The following UTP18 variants were observed in gnomAD, a reference collection of about 807,000 sequenced individuals.
UTP18 encodes UTP18 small subunit processome component, also known as U3 small nucleolar RNA-associated protein 18 homolog.
In UTP18, 36 loss-of-function variants were observed where a neutral mutation model predicts 61.1. The ratio of observed to expected loss-of-function variants is 0.59; its 90% CI spans 0.45 to 0.78. The LOEUF (loss-of-function observed/expected upper bound fraction) is 0.78, where lower values mean the gene tolerates loss of function less well. UTP18 is among the 30% of genes least tolerant of loss of function. The pLI, the probability that UTP18 is intolerant of heterozygous loss-of-function variation, is 0.00. For missense variants in UTP18, 753 were observed against 693.9 expected (o/e 1.09, Z -0.96); for synonymous variants, 282 against 251.1 (o/e 1.12, Z -1.16).
intron 4 of UTP18, among the ~76,000 whole-genome samples, chr17:51,272,100 GTTGT>G (rs985504140): frequency 1.2e-4 from 18 of 151,252 alleles, no homozygotes; most frequent in African/African-American, 3.6e-4. Context: ...TTTTGTTGTT[GTTGT>G]TTGTGTTTTT....
intron 9 of UTP18, among the ~76,000 whole-genome samples, chr17:51,283,617 ATT>A (rs34103760): frequency 8.7e-5 from 12 of 138,490 alleles, no homozygotes; most frequent in African/African-American, 1.9e-4. Context: ...TTACTCATGG[ATT>A]TTTTTTTTTT....
chr17:51,265,137 A>T (rs1310786989), intron 2 of UTP18, among the ~76,000 whole-genome samples: 1 of 152,102 alleles, frequency 6.6e-6, no homozygotes, highest in African/African-American at 2.4e-5. Context: ...AGAAGTTTTG[A>T]ATTTTTATAT....
intron 3 of UTP18, among the ~76,000 whole-genome samples, chr17:51,268,111 A>G (rs1460136438): frequency 2.0e-5 from 3 of 149,110 alleles, no homozygotes; most frequent in African/African-American, 5.0e-5. Context: ...CCGGGTTCAC[A>G]CCATTCTCCT....
At chr17:51,273,969 C>T (rs978820264) in intron 5 of UTP18, among the ~76,000 whole-genome samples, 6 of 152,162 alleles carry the variant, frequency 3.9e-5, no homozygotes, top group African/African-American at 1.4e-4. Flanking sequence ...AACATCAGGT[C>T]ATGTCACTTT....
chr17:51,279,224 C>T (rs1226040260), intron 7 of UTP18, among the ~76,000 whole-genome samples: 1 of 152,164 alleles, frequency 6.6e-6, no homozygotes, highest in Non-Finnish European at 1.5e-5. Context: ...GCTTTCCTTC[C>T]TTGGAGGTAG....
At chr17:51,279,293 C>T (rs1452954603) in intron 7 of UTP18, among the ~76,000 whole-genome samples, 2 of 152,092 alleles carry the variant, frequency 1.3e-5, no homozygotes, top group Non-Finnish European at 2.9e-5. Flanking sequence ...TAACTTGGCT[C>T]TCTAAGCATT....
intron 6 of UTP18, 29 bp downstream of exon 6, chr17:51,276,020 C>T: frequency 6.4e-7 from 1 of 1,573,104 alleles, no homozygotes; most frequent in South Asian, 1.2e-5. Context: ...TTATTTATTT[C>T]TAATGCATTA....
chr17:51,283,921 T>C (rs1203625609), intron 9 of UTP18, among the ~76,000 whole-genome samples: 1 of 152,246 alleles, frequency 6.6e-6, no homozygotes, highest in Non-Finnish European at 1.5e-5. Context: ...GGCCATCTCA[T>C]GTTGCCTTTT....
At chr17:51,293,802 A>G in intron 11 of UTP18, 101 bp from the exon 12 acceptor site, 1 of 1,057,026 alleles carries the variant, frequency 9.5e-7, no homozygotes, top group Non-Finnish European at 1.3e-6. Flanking sequence ...TACAATCAAA[A>G]TGAGCTTTAT....
At chr17:51,264,433 C>G (rs2055539139) in intron 2 of UTP18, among the ~76,000 whole-genome samples, 1 of 151,986 alleles carries the variant, frequency 6.6e-6, no homozygotes, top group Admixed American at 6.6e-5. Context: ...TAATTTATTG[C>G]CTTAAGAAAG....
intron 11 of UTP18, among the ~76,000 whole-genome samples, chr17:51,291,417 T>C (rs925092994): frequency 2.6e-5 from 4 of 152,052 alleles, no homozygotes; most frequent in Non-Finnish European, 5.9e-5. Context: ...CTTTTCCCGA[T>C]ATTCCAAGTC....
At chr17:51,288,452 T>C in intron 11 of UTP18, 1 of 498,860 alleles carries the variant, frequency 2.0e-6, no homozygotes, top group African/African-American at 2.0e-5. Context: ...GTGGTCCTCA[T>C]TTTCAGAGGT....
At chr17:51,265,109 C>T (rs2055546842) in intron 2 of UTP18, among the ~76,000 whole-genome samples, 1 of 152,094 alleles carries the variant, frequency 6.6e-6, no homozygotes, top group Non-Finnish European at 1.5e-5. Flanking sequence ...TGTAGGTTTT[C>T]CCCAGCTTTC....
At chr17:51,295,468 A>G (rs1905343940) in intron 12 of UTP18, among the ~76,000 whole-genome samples, 1 of 152,074 alleles carries the variant, frequency 6.6e-6, no homozygotes, top group Non-Finnish European at 1.5e-5. Context: ...TCCTTTCCCC[A>G]TTTTTTGTTT....
At chr17:51,270,265 A>G (rs1461922120) in intron 4 of UTP18, among the ~76,000 whole-genome samples, 1 of 152,170 alleles carries the variant, frequency 6.6e-6, no homozygotes, top group Non-Finnish European at 1.5e-5. Context: ...CATATAGATT[A>G]TCTTCTTTTT....
chr17:51,272,297 C>G (rs1272015306), intron 4 of UTP18, among the ~76,000 whole-genome samples: 1 of 152,098 alleles, frequency 6.6e-6, no homozygotes, highest in African/African-American at 2.4e-5. Flanking sequence ...CGGGGTTTCT[C>G]CATGTTGGCC....
intron 10 of UTP18, among the ~76,000 whole-genome samples, chr17:51,286,327 A>G (rs1204002332): frequency 6.6e-6 from 1 of 152,220 alleles, no homozygotes; most frequent in Non-Finnish European, 1.5e-5. Flanking sequence ...ATAATTCTGT[A>G]ACTTCAAGAA....
intron 9 of UTP18, among the ~76,000 whole-genome samples, chr17:51,281,165 T>TATATATATATATATA (rs1555555694): frequency 4.6e-5 from 2 of 43,926 alleles, no homozygotes; most frequent in African/African-American, 1.2e-4. Flanking sequence ...TATATATATA[T>TATATATATATATATA]TTTTTTTAAA....
intron 11 of UTP18, among the ~76,000 whole-genome samples, chr17:51,290,043 C>A (rs915346257): frequency 1.3e-5 from 2 of 152,130 alleles, no homozygotes; most frequent in Non-Finnish European, 2.9e-5. Context: ...GGCTAAGCTC[C>A]TTAACTTGTA....
Sources: allele counts gnomAD v4.1 joint callset (sites outside exome capture counted in the v4.1 genomes callset), GRCh38; gene constraint gnomAD v4.1.1; transcripts MANE v1.5; gene names NCBI Gene and HGNC (gene_info 2026-07-23, HGNC 2026-07-21).